The following SLC25A12 variants were observed in gnomAD, a reference collection of about 807,000 sequenced individuals.
SLC25A12 encodes electrogenic aspartate/glutamate antiporter SLC25A12, mitochondrial.
SLC25A12 carries 32 observed loss-of-function variants against 83.3 expected under a neutral mutation model. That is an observed-to-expected ratio of 0.38 (90% CI 0.29 to 0.52). SLC25A12 has a LOEUF of 0.52. Among genes scored for constraint, SLC25A12 ranks in the 20% least tolerant of loss-of-function variants. The pLI is 0.84. For synonymous variants in SLC25A12, 267 were observed against 291.1 expected (o/e 0.92, Z 0.84); for missense variants, 611 against 835.6 (o/e 0.73, Z 3.31).
chr2:171,805,449 G>T (rs1311011259), intron 13 of SLC25A12, among the ~76,000 whole-genome samples: 1 of 152,022 alleles, frequency 6.6e-6, no homozygotes, highest in African/African-American at 2.4e-5. Context: ...AAAGATATCA[G>T]GTATTCAATG....
At chr2:171,884,490 G>A (rs1685770813) in intron 2 of SLC25A12, among the ~76,000 whole-genome samples, 1 of 151,570 alleles carries the variant, frequency 6.6e-6, no homozygotes, top group South Asian at 2.1e-4. Flanking sequence ...TCTAGGCTGG[G>A]CACGGATGGT....
chr2:171,808,947 A>G (rs916573491), intron 13 of SLC25A12, among the ~76,000 whole-genome samples: 19 of 151,482 alleles, frequency 1.3e-4, no homozygotes, highest in African/African-American at 3.6e-4. Context: ...GAGTGAGAAC[A>G]TGTGGTGTTT....
intron 1 of SLC25A12, 53 bp from the exon 2 acceptor site, chr2:171,893,311 A>T: frequency 6.9e-7 from 1 of 1,448,788 alleles, no homozygotes; most frequent in South Asian, 1.1e-5. Context: ...GAGACCACAC[A>T]ATCTCTTCAG....
intron 8 of SLC25A12, among the ~76,000 whole-genome samples, chr2:171,832,086 AC>A (rs938954670): frequency 3.3e-5 from 5 of 152,124 alleles, no homozygotes; most frequent in African/African-American, 4.8e-5. Context: ...CATTTGGTAA[AC>A]CTGTATGGTT....
intron 6 of SLC25A12, among the ~76,000 whole-genome samples, chr2:171,835,372 C>T (rs1684533177): frequency 6.6e-6 from 1 of 152,152 alleles, no homozygotes; most frequent in Non-Finnish European, 1.5e-5. Flanking sequence ...AATTAAAATA[C>T]TTAACAGTCT....
chr2:171,820,534 C>T (rs1162393074), intron 9 of SLC25A12, among the ~76,000 whole-genome samples: 3 of 143,006 alleles, frequency 2.1e-5, no homozygotes, highest in African/African-American at 5.0e-5. Context: ...CGAGACCATG[C>T]CGGCTAAAAC....
At chr2:171,875,232 G>A (rs1685539950) in intron 2 of SLC25A12, among the ~76,000 whole-genome samples, 1 of 152,194 alleles carries the variant, frequency 6.6e-6, no homozygotes, top group African/African-American at 2.4e-5. Flanking sequence ...GGAACCTCTA[G>A]GAAGTATTTG....
chr2:171,799,278 G>C (rs1176803516), intron 13 of SLC25A12, among the ~76,000 whole-genome samples: 1 of 152,170 alleles, frequency 6.6e-6, no homozygotes, highest in Non-Finnish European at 1.5e-5. Context: ...AAATCCCTGT[G>C]TACCTATCAT....
intron 13 of SLC25A12, among the ~76,000 whole-genome samples, chr2:171,794,602 AC>A (rs946316214): frequency 7.9e-5 from 12 of 151,762 alleles, no homozygotes; most frequent in African/African-American, 1.2e-4. Context: ...AAAAAAAAAA[AC>A]GTTTAACAAA....
intron 11 of SLC25A12, among the ~76,000 whole-genome samples, chr2:171,811,800 A>G (rs1203638394): frequency 1.3e-5 from 2 of 152,188 alleles, no homozygotes; most frequent in Non-Finnish European, 1.5e-5. Context: ...GCATCTATCC[A>G]TTGAGAAGGC....
rs753428317 is a variant in SLC25A12 at position 171,868,693 on chromosome 2, T to C, written c.197A>G (p.Gln66Arg). 2.5e-6 allele frequency: 4 copies of C among 1,614,026 alleles called. No individual in the cohort carries two copies. The highest frequency in any genetic ancestry group is 3.4e-6 in the Non-Finnish European group (4 of 1,179,868). The change falls in exon 3 of 18, where the codon CAA (glutamine) becomes CGA (arginine). Residue 66 changes from glutamine (Q) to arginine (R), a missense_variant. Transcript: ENST00000422440. ...IVQLLAGVADQTKDGLISYQE... is the reference protein window; with the variant it reads ...IVQLLAGVADRTKDGLISYQE... ...TGAAGATACTTACCCATCCTTGGTT[T>C]GATCAGCTACTCCTGCCAAGAGCTG...
At chr2:171,867,225 C>G (rs1318182437) in intron 3 of SLC25A12, among the ~76,000 whole-genome samples, 2 of 149,634 alleles carry the variant, frequency 1.3e-5, no homozygotes, top group Admixed American at 1.3e-4. Context: ...ACTTCCCAGA[C>G]GGGGTGGCGG....
intron 2 of SLC25A12, among the ~76,000 whole-genome samples, chr2:171,875,363 T>C (rs528418445): frequency 6.6e-6 from 1 of 152,318 alleles, no homozygotes; most frequent in African/African-American, 2.4e-5. Flanking sequence ...CATTCTTTCC[T>C]TGCTTTGCTG....
intron 3 of SLC25A12, among the ~76,000 whole-genome samples, chr2:171,861,444 G>C (rs1685157342): frequency 6.6e-6 from 1 of 152,064 alleles, no homozygotes; most frequent in South Asian, 2.1e-4. Flanking sequence ...GTCTCAATCT[G>C]TCTCCCAGCT....
intron 9 of SLC25A12, among the ~76,000 whole-genome samples, chr2:171,822,322 G>A (rs1053682752): frequency 6.6e-6 from 1 of 152,128 alleles, no homozygotes; most frequent in Non-Finnish European, 1.5e-5. Context: ...CAGGCTTAAT[G>A]TAAGTGTATT....
intron 4 of SLC25A12, 40 bp from the exon 5 acceptor site, chr2:171,844,548 ATAAG>A: frequency 7.1e-7 from 1 of 1,406,984 alleles, no homozygotes. Flanking sequence ...TATATCTGGA[ATAAG>A]TAGTTTAAAC....
At chr2:171,827,977 C>T (rs62182372) in intron 8 of SLC25A12, among the ~76,000 whole-genome samples, 32,513 of 152,152 alleles carry the variant, frequency 0.21, 4,200 homozygotes, top group East Asian at 0.57. Context: ...CCTTTTCCAA[C>T]ACGGGACCCT....
intron 5 of SLC25A12, among the ~76,000 whole-genome samples, chr2:171,839,553 T>C (rs1684629836): frequency 6.6e-6 from 1 of 152,118 alleles, no homozygotes; most frequent in African/African-American, 2.4e-5. Flanking sequence ...GAGAGTGAAC[T>C]TGTACATTTA....
chr2:171,837,850 C>T (rs1436612043), intron 5 of SLC25A12, among the ~76,000 whole-genome samples: 5 of 152,140 alleles, frequency 3.3e-5, no homozygotes, highest in African/African-American at 1.2e-4. Flanking sequence ...TCAGGAATAA[C>T]AAACTGCAAA....
Sources: allele counts gnomAD v4.1 joint callset (sites outside exome capture counted in the v4.1 genomes callset), GRCh38; gene constraint gnomAD v4.1.1; transcripts MANE v1.5; gene names NCBI Gene and HGNC (gene_info 2026-07-23, HGNC 2026-07-21).